SHISAL1: variants seen among roughly 807,000 people sequenced by gnomAD.
SHISAL1 encodes protein shisa-like-1.
Under a neutral mutation model 22.6 loss-of-function variants are expected in SHISAL1, and 9 were observed. That is an observed-to-expected ratio of 0.40 (90% CI 0.24 to 0.70). The LOEUF (loss-of-function observed/expected upper bound fraction) is 0.70, where lower values mean the gene tolerates loss of function less well. Ranked by LOEUF, SHISAL1 falls within the 30% of genes least tolerant of loss-of-function variation. The pLI, the probability that SHISAL1 is intolerant of heterozygous loss-of-function variation, is 0.39. For missense variants in SHISAL1, 246 were observed against 270.6 expected (o/e 0.91, Z 0.64); for synonymous variants, 119 against 115.4 (o/e 1.03, Z -0.20).
chr22:44,293,316 A>G (rs1377248344), intron 3 of SHISAL1, among the ~76,000 whole-genome samples: 2 of 152,218 alleles, frequency 1.3e-5, no homozygotes, highest in Admixed American at 1.3e-4. Context: ...CTGGAGAATG[A>G]CAAGGGATGG....
chr22:44,259,295 G>A (rs1299345399), intron 4 of SHISAL1, among the ~76,000 whole-genome samples: 3 of 151,996 alleles, frequency 2.0e-5, no homozygotes, highest in Non-Finnish European at 4.4e-5. Context: ...AAAATTAGCT[G>A]GGTGCAGTGG....
the SHISAL1 span, among the ~76,000 whole-genome samples, chr22:44,330,002 G>C: frequency 4.6e-5 from 7 of 152,342 alleles, no homozygotes; most frequent in East Asian, 1.3e-3. Flanking sequence ...GTCTGGGTCT[G>C]AACAGAGCTG....
the SHISAL1 span, among the ~76,000 whole-genome samples, chr22:44,322,966 CACCA>C: frequency 6.6e-6 from 1 of 151,128 alleles, no homozygotes; most frequent in African/African-American, 2.4e-5. Flanking sequence ...TCCATCCACC[CACCA>C]ACCTCACCCA....
At chr22:44,256,190 C>CTCAAAG (rs2055083364) in intron 4 of SHISAL1, among the ~76,000 whole-genome samples, 1 of 130,084 alleles carries the variant, frequency 7.7e-6, no homozygotes, top group Non-Finnish European at 1.6e-5. Context: ...GGTCTCAGGA[C>CTCAAAG]TGGAACTCAC....
intron 4 of SHISAL1, among the ~76,000 whole-genome samples, chr22:44,270,265 A>G (rs2055197453): frequency 6.6e-6 from 1 of 152,208 alleles, no homozygotes. Context: ...GATGCCGTCA[A>G]CGTTGAGATG....
chr22:44,325,980 C>G, the SHISAL1 span, among the ~76,000 whole-genome samples: 2 of 152,094 alleles, frequency 1.3e-5, no homozygotes, highest in East Asian at 3.9e-4. Flanking sequence ...TTCTCCTTCC[C>G]TTCCCCCAAC....
At chr22:44,303,818 G>A (rs894106623) in intron 1 of SHISAL1, among the ~76,000 whole-genome samples, 5 of 152,118 alleles carry the variant, frequency 3.3e-5, no homozygotes, top group South Asian at 2.1e-4. Flanking sequence ...AATCCCACCC[G>A]GGTGGGAGAC....
At chr22:44,251,487 T>C (rs1477760250) in intron 4 of SHISAL1, among the ~76,000 whole-genome samples, 4 of 152,174 alleles carry the variant, frequency 2.6e-5, no homozygotes, top group African/African-American at 4.8e-5. Context: ...ATGGCAGTGA[T>C]GGCTGCTGTA....
chr22:44,293,051 C>T (rs2055363629), intron 3 of SHISAL1, among the ~76,000 whole-genome samples: 1 of 152,214 alleles, frequency 6.6e-6, no homozygotes, highest in African/African-American at 2.4e-5. Context: ...CCCCTGCCTC[C>T]ACCAGCTCTT....
chr22:44,329,302 C>T, the SHISAL1 span, among the ~76,000 whole-genome samples: 1 of 152,122 alleles, frequency 6.6e-6, no homozygotes, highest in Non-Finnish European at 1.5e-5. Flanking sequence ...TCACTCTGGG[C>T]AGGTCCCGCT....
At chr22:44,317,369 G>A (rs1444297464), upstream of SHISAL1, among the ~76,000 whole-genome samples, 1 of 152,244 alleles carries the variant, frequency 6.6e-6, no homozygotes, top group East Asian at 1.9e-4. Flanking sequence ...AGGACTCCCT[G>A]GCGGCAATGG....
At chr22:44,278,617 C>T (rs765431976) in intron 4 of SHISAL1, among the ~76,000 whole-genome samples, 3 of 152,204 alleles carry the variant, frequency 2.0e-5, no homozygotes, top group African/African-American at 4.8e-5. Flanking sequence ...GGCCTCTCCA[C>T]GCATCTTAAT....
At chr22:44,331,475 C>T in the SHISAL1 span, among the ~76,000 whole-genome samples, 2 of 151,262 alleles carry the variant, frequency 1.3e-5, no homozygotes, top group Non-Finnish European at 3.0e-5. This position sits in a 1 kb window ranked among gnomAD's most constrained non-coding sequence, Gnocchi z 5.2. Context: ...CCGCCCTGCC[C>T]GCCCCGGGGC....
At chr22:44,315,416 G>A (rs757068585), upstream of SHISAL1, among the ~76,000 whole-genome samples, 2 of 152,002 alleles carry the variant, frequency 1.3e-5, no homozygotes, top group African/African-American at 2.4e-5. Flanking sequence ...GTTTTTTTCC[G>A]GTTCACAGTC....
At chr22:44,268,665 G>A (rs2055183130) in intron 4 of SHISAL1, among the ~76,000 whole-genome samples, 1 of 152,220 alleles carries the variant, frequency 6.6e-6, no homozygotes. Flanking sequence ...GGGAGAGGGT[G>A]TTTTAGAGGA....
Position 44,253,425 on chromosome 22 carries a change from A to ATTTTTTTTTTTTTTTTTTT in SHISAL1, c.*-3741_*-3740insAAAAAAAAAAAAAAAAAAA, listed in dbSNP as rs1491154287. The stretch of plus-strand genomic sequence containing the variant: ...AAGCAGAGTATGCTAGTATTAGTGC[A>ATTTTTTTTTTTTTTTTTTT]TGTTTTTTTTTTTTTTTTTTTTTGA... On this transcript the variant is annotated intron_variant, in intron 4 of 4. Transcript: ENST00000381176. Among the ~76,000 whole-genome samples the ATTTTTTTTTTTTTTTTTTT allele has an allele frequency of 3.8e-4, 41 of 107,884 alleles. 19 individuals are homozygous for ATTTTTTTTTTTTTTTTTTT. Among genetic ancestry groups the ATTTTTTTTTTTTTTTTTTT allele is most frequent in the Non-Finnish European group, 4.6e-4 (23 of 50,378 alleles). 70.8% of individuals were successfully genotyped at this position (107,884 alleles called of 152,430 possible). A position where few individuals can be genotyped will look rare whatever the true frequency, so the allele number is the denominator to read the frequency against.
In SHISAL1 at chr22:44,244,928, G is replaced by A. The variant is rs926526230; in HGVS notation, c.*4757C>T. The A allele has an allele frequency of 7.2e-5, 11 of 152,278 alleles. No homozygotes were observed. Among genetic ancestry groups the A allele is most frequent in the African/African-American group, 1.9e-4 (8 of 41,464 alleles). 9.4% of individuals were successfully genotyped at this position (152,278 alleles called of 1,614,324 possible). On this transcript the variant is annotated 3_prime_UTR_variant, in exon 5 of 5. Transcript: ENST00000381176. ...GTGCATTTAAGCACCAGCGTGGGACGTGTTGGTGCTACAGCAAGGAACTAG... is the reference window on the plus strand; with the variant it reads ...GTGCATTTAAGCACCAGCGTGGGACATGTTGGTGCTACAGCAAGGAACTAG...
chr22:44,308,237 G>A (rs1474827173), intron 1 of SHISAL1, among the ~76,000 whole-genome samples: 1 of 152,212 alleles, frequency 6.6e-6, no homozygotes, highest in Non-Finnish European at 1.5e-5. Context: ...GACAGGCCTG[G>A]CCACGTGCTT....
intron 4 of SHISAL1, among the ~76,000 whole-genome samples, chr22:44,255,417 A>G (rs1390083631): frequency 6.6e-6 from 1 of 152,156 alleles, no homozygotes; most frequent in Non-Finnish European, 1.5e-5. Context: ...TGACCTCAGG[A>G]AATACAACTC....
Sources: gnomAD v4.1 joint callset for allele counts (sites outside exome capture counted in the v4.1 genomes callset) on GRCh38, gnomAD v4.1.1 for gene constraint, Gnocchi (gnomAD v3.1) non-coding constraint, MANE v1.5 for transcripts, NCBI Gene and HGNC (gene_info 2026-07-23, HGNC 2026-07-21) for gene names.